CGGBP1: variants seen among roughly 807,000 people sequenced by gnomAD.
CGGBP1 encodes the protein CGG triplet repeat-binding protein 1.
A neutral mutation model predicts 11.4 loss-of-function variants in CGGBP1; 4 were observed. The ratio of observed to expected loss-of-function variants is 0.35; its 90% CI spans 0.17 to 0.80. The LOEUF is 0.80. CGGBP1 is among the 30% of genes least tolerant of loss of function. The pLI is 0.52. For synonymous variants in CGGBP1, 76 were observed against 74.1 expected, an observed-to-expected ratio of 1.03 and a Z score of -0.13; for missense variants, 135 against 202.1, an observed-to-expected ratio of 0.67 and a Z score of 2.01.
At chr3:88,130,033 T>C (rs1296088615) in intron 2 of CGGBP1, among the ~76,000 whole-genome samples, 1 of 152,182 alleles carries the variant, frequency 6.6e-6, no homozygotes, top group Non-Finnish European at 1.5e-5. Flanking sequence ...TGTAAATGTT[T>C]AAGGGATGTG....
intron 1 of CGGBP1, among the ~76,000 whole-genome samples, chr3:88,148,722 C>G (rs7650915): frequency 0.061 from 9,211 of 152,198 alleles, 818 homozygotes; most frequent in African/African-American, 0.19. Flanking sequence ...CTAACTATAA[C>G]CTCTGCCTCC....
At position 88,101,634 on chromosome 3, in the gene CGGBP1, C is replaced by T. The variant is rs2107719199; in HGVS notation, c.-229+39336G>A. On this transcript the variant is annotated intron_variant, in intron 2 of 3. Transcript: ENST00000462901. ...ATTACTTCCAGTTTTGGGCTATAAACATTTCTGTATGTGTCTTATGTGGCC... is the reference window on the plus strand; with the variant it reads ...ATTACTTCCAGTTTTGGGCTATAAATATTTCTGTATGTGTCTTATGTGGCC... Among the ~76,000 whole-genome samples the T allele has an allele frequency of 2.0e-5, 3 of 152,116 alleles. No homozygotes were observed. The Middle Eastern group carries it at 0.01, about 517-fold the overall frequency.
chr3:88,103,443 A>T (rs1704550093), intron 2 of CGGBP1, among the ~76,000 whole-genome samples: 1 of 152,212 alleles, frequency 6.6e-6, no homozygotes, highest in Non-Finnish European at 1.5e-5. Context: ...ACCCAAACTA[A>T]AAGGCAAGGA....
chr3:88,100,192 G>A (rs1427230558), intron 2 of CGGBP1, among the ~76,000 whole-genome samples: 3 of 152,164 alleles, frequency 2.0e-5, no homozygotes, highest in Admixed American at 6.5e-5. Context: ...CTCAAAAGAA[G>A]ACATTTATGC....
At chr3:88,094,243 T>A (rs1703922622) in intron 2 of CGGBP1, among the ~76,000 whole-genome samples, 1 of 152,162 alleles carries the variant, frequency 6.6e-6, no homozygotes, top group Non-Finnish European at 1.5e-5. Context: ...TAAAAAACTC[T>A]TAGTGCATTT....
upstream of CGGBP1, among the ~76,000 whole-genome samples, chr3:88,062,439 G>C (rs1706937391): frequency 6.6e-6 from 1 of 152,144 alleles, no homozygotes. Context: ...GAAATAACTT[G>C]GTATTATGGA....
rs1706266811 is a variant in CGGBP1 at position 88,128,670 on chromosome 3, A to G, written c.-229+12300T>C. 5.1e-6 allele frequency: 3 copies of G among 583,874 alleles called. No individual in the cohort carries two copies. The South Asian group carries it at 8.2e-5, about 16-fold the overall frequency. 36.2% of individuals were successfully genotyped at this position (583,874 alleles called of 1,614,324 possible). A position where few individuals can be genotyped will look rare whatever the true frequency, so the allele number is the denominator to read the frequency against. On this transcript the variant is annotated intron_variant, in intron 2 of 3. Transcript: ENST00000462901. ...ACCATATAACTGAATATTTTCACAA[A>G]TAAACTCCTACTAAGGAAAATGCTA...
intron 1 of CGGBP1, among the ~76,000 whole-genome samples, chr3:88,147,868 T>C (rs1707337453): frequency 6.6e-6 from 1 of 152,198 alleles, no homozygotes; most frequent in African/African-American, 2.4e-5. Flanking sequence ...GGGTAGAGGA[T>C]GGGGATGCGT....
At chr3:88,059,354 G>A (rs1348545652), upstream of CGGBP1, 1 of 1,535,022 alleles carries the variant, frequency 6.5e-7, no homozygotes, top group African/African-American at 1.4e-5. Flanking sequence ...GAGGCCGAAC[G>A]CCTCGGAGAA....
chr3:88,126,888 C>T (rs1706139373), intron 2 of CGGBP1, among the ~76,000 whole-genome samples: 1 of 151,932 alleles, frequency 6.6e-6, no homozygotes, highest in African/African-American at 2.4e-5. Flanking sequence ...TGTCTTATAC[C>T]CTTACTACCT....
At chr3:88,126,747 A>G (rs977678759) in intron 2 of CGGBP1, among the ~76,000 whole-genome samples, 1 of 152,092 alleles carries the variant, frequency 6.6e-6, no homozygotes, top group Non-Finnish European at 1.5e-5. Context: ...TACAGAGTAG[A>G]TGCTTAATAT....
intron 2 of CGGBP1, among the ~76,000 whole-genome samples, chr3:88,116,948 C>G (rs1238455140): frequency 6.6e-6 from 1 of 152,068 alleles, no homozygotes; most frequent in Non-Finnish European, 1.5e-5. Context: ...GGATAAATAC[C>G]TCAGTTATCA....
At chr3:88,149,733 G>C (rs1246945854) in exon 1 of CGGBP1, 1 of 198,858 alleles carries the variant, frequency 5.0e-6, no homozygotes, top group Non-Finnish European at 1.0e-5. Flanking sequence ...AGCCCTCCAA[G>C]GCGCTCTTTT....
At chr3:88,128,164 A>ATTTAAC (rs1270037395) in intron 2 of CGGBP1, among the ~76,000 whole-genome samples, 3 of 152,134 alleles carry the variant, frequency 2.0e-5, no homozygotes, top group Non-Finnish European at 4.4e-5. Flanking sequence ...GGTTGTTGTT[A>ATTTAAC]GGTCTAAATA....
At chr3:88,143,870 A>T (rs913204036) in intron 1 of CGGBP1, 1 of 151,920 alleles carries the variant, frequency 6.6e-6, no homozygotes, top group African/African-American at 2.4e-5. Context: ...GAATGTGTTC[A>T]TTTTATTACA....
chr3:88,059,104 A>G (rs1473734645), upstream of CGGBP1: 5 of 871,150 alleles, frequency 5.7e-6, no homozygotes, highest in Non-Finnish European at 8.5e-6. Context: ...ATAGTAGTGG[A>G]AAGGCGGGCA....
intron 2 of CGGBP1, among the ~76,000 whole-genome samples, chr3:88,118,165 G>T (rs4287925): frequency 2.6e-5 from 4 of 152,070 alleles, no homozygotes; most frequent in African/African-American, 9.7e-5. Context: ...ATCCTTATCC[G>T]GTGAAGCCAG....
intron 2 of CGGBP1, among the ~76,000 whole-genome samples, chr3:88,090,214 A>T (rs1461418721): frequency 6.6e-6 from 1 of 152,198 alleles, no homozygotes; most frequent in East Asian, 1.9e-4. Context: ...TTCCAGAAAA[A>T]GACATTGTTA....
intron 2 of CGGBP1, among the ~76,000 whole-genome samples, chr3:88,099,401 C>T (rs1704264682): frequency 6.6e-6 from 1 of 152,164 alleles, no homozygotes; most frequent in South Asian, 2.1e-4. Context: ...GCCATACTGC[C>T]CAAGGTAATT....
Sources: gnomAD v4.1 joint callset for allele counts (sites outside exome capture counted in the v4.1 genomes callset) on GRCh38, gnomAD v4.1.1 for gene constraint, MANE v1.5 for transcripts, NCBI Gene and HGNC (gene_info 2026-07-23, HGNC 2026-07-21) for gene names.